The following FRMD4A variants were observed in gnomAD, a reference collection of about 807,000 sequenced individuals.
FRMD4A encodes FERM domain containing 4A, also known as FERM domain-containing protein 4A.
In FRMD4A, 29 loss-of-function variants were observed where a neutral mutation model predicts 129.1. The ratio of observed to expected loss-of-function variants is 0.22; its 90% CI spans 0.17 to 0.31. The LOEUF (loss-of-function observed/expected upper bound fraction) is 0.31, where lower values mean the gene tolerates loss of function less well. FRMD4A is among the 10% of genes least tolerant of loss of function. The pLI is 1.00. For synonymous variants in FRMD4A, 634 were observed against 571.6 expected, an observed-to-expected ratio of 1.11 and a Z score of -1.56; for missense variants, 1,272 against 1,375.8, an observed-to-expected ratio of 0.92 and a Z score of 1.19.
At chr10:14,084,258 T>C (rs1369565732) in intron 2 of FRMD4A, among the ~76,000 whole-genome samples, 1 of 152,178 alleles carries the variant, frequency 6.6e-6, no homozygotes, top group African/African-American at 2.4e-5. Context: ...GTGATTCTCT[T>C]CCCTCAGCCT....
chr10:13,944,581 G>C (rs78740040), intron 2 of FRMD4A, among the ~76,000 whole-genome samples: 1 of 151,970 alleles, frequency 6.6e-6, no homozygotes. Flanking sequence ...TCAGGTCCCC[G>C]GTGCCAAAAA....
At chr10:13,738,294 C>T (rs974803675) in intron 11 of FRMD4A, among the ~76,000 whole-genome samples, 7 of 152,188 alleles carry the variant, frequency 4.6e-5, no homozygotes, top group Non-Finnish European at 8.8e-5. Flanking sequence ...CTCACCACAA[C>T]TGAAAATCTG....
chr10:13,891,119 T>C (rs1215706110), intron 2 of FRMD4A, among the ~76,000 whole-genome samples: 1 of 151,906 alleles, frequency 6.6e-6, no homozygotes, highest in Non-Finnish European at 1.5e-5. Context: ...TCTGTTCTCC[T>C]CCCCTTCCGA....
rs2094587732 is a variant in FRMD4A, at chr10:13,884,194, A to ATG, written c.46-25283_46-25282insCA. On this transcript the variant is annotated intron_variant, in intron 2 of 24. Transcript: ENST00000357447. The stretch of plus-strand genomic sequence containing the variant: ...CACACACTCACACACACACACACAC[A>ATG]CTCACACACACACTCACACACACAC... Among the ~76,000 whole-genome samples the ATG allele has an allele frequency of 2.4e-4, 19 of 79,864 alleles. No individual in the cohort carries two copies. The East Asian group carries it at 6.6e-3, about 28-fold the overall frequency. 52.4% of individuals were successfully genotyped at this position (79,864 alleles called of 152,430 possible). A position where few individuals can be genotyped will look rare whatever the true frequency, so the allele number is the denominator to read the frequency against.
At chr10:14,197,754 CT>C (rs1842514778) in intron 2 of FRMD4A, among the ~76,000 whole-genome samples, 1 of 152,232 alleles carries the variant, frequency 6.6e-6, no homozygotes, top group Admixed American at 6.5e-5. Context: ...TACATGTAAA[CT>C]TTGGCACTCA....
intron 12 of FRMD4A, among the ~76,000 whole-genome samples, chr10:13,728,632 G>A (rs187119305): frequency 3.6e-4 from 51 of 140,574 alleles, no homozygotes; most frequent in East Asian, 8.4e-4. Context: ...GTGCAGTGGC[G>A]TGATCTCGGC....
chr10:14,219,596 T>C (rs1050607759), intron 2 of FRMD4A, among the ~76,000 whole-genome samples: 2 of 152,198 alleles, frequency 1.3e-5, no homozygotes, highest in Admixed American at 1.3e-4. Flanking sequence ...TTGCTTTTTC[T>C]ACTGAGTCAC....
chr10:14,210,291 A>G lies in FRMD4A; in HGVS notation c.45+119767T>C, dbSNP rs570682406. On this transcript the variant is annotated intron_variant, in intron 2 of 24. Coordinates refer to ENST00000357447, the MANE Select transcript of FRMD4A (RefSeq NM_018027.5). ...TGTGAGGATGGAGTGACAAGGTACC[A>G]TCTATGAACCAGAAAGTGAGACCCA... Among the ~76,000 whole-genome samples, 14 of 152,292 alleles carry G rather than the reference A, an allele frequency of 9.2e-5. 1 individual carries two copies. The South Asian group carries it at 2.7e-3, about 29-fold the overall frequency.
In FRMD4A at chr10:14,063,561, T is replaced by TAA. The variant is rs11394360; in HGVS notation, c.46-204651_46-204650dup. 8.5e-3 allele frequency among the ~76,000 whole-genome samples: 1,259 copies of TAA among 147,544 alleles called. 23 individuals carry two copies. The highest frequency in any genetic ancestry group is 0.026 in the African/African-American group (1,057 of 40,512). The stretch of plus-strand genomic sequence containing the variant: ...CTTACATTATTTTACCTTTTCTCAT[T>TAA]AAAAAAAAAAAGTCATATACTTGAA... On this transcript the variant is annotated intron_variant, in intron 2 of 24. Coordinates refer to ENST00000357447, the MANE Select transcript of FRMD4A (RefSeq NM_018027.5).
intron 2 of FRMD4A, among the ~76,000 whole-genome samples, chr10:14,031,109 G>A (rs1487401035): frequency 2.0e-5 from 3 of 152,164 alleles, no homozygotes; most frequent in Non-Finnish European, 1.5e-5. Context: ...AGGCTTGCAG[G>A]GATTCCGAGG....
At chr10:13,779,961 C>T (rs2092694758) in intron 6 of FRMD4A, among the ~76,000 whole-genome samples, 1 of 152,148 alleles carries the variant, frequency 6.6e-6, no homozygotes, top group East Asian at 1.9e-4. Context: ...AGATTGCATT[C>T]ATGAGACATT....
intron 2 of FRMD4A, among the ~76,000 whole-genome samples, chr10:14,010,043 G>T (rs2095675789): frequency 1.3e-5 from 2 of 152,094 alleles, no homozygotes; most frequent in African/African-American, 4.8e-5. Context: ...TTTGAACAAA[G>T]GATAGGCACA....
intron 1 of FRMD4A, 124 bp from the exon 2 acceptor site, chr10:14,330,307 G>GA (rs35432616): frequency 0.39 from 163,694 of 420,082 alleles, 14,945 homozygotes; most frequent in Non-Finnish European, 0.41. Flanking sequence ...GCTTAGGGAG[G>GA]AAAAAAAAAA....
At chr10:13,700,522 C>T (rs910350001) in intron 14 of FRMD4A, among the ~76,000 whole-genome samples, 4 of 152,170 alleles carry the variant, frequency 2.6e-5, no homozygotes, top group African/African-American at 9.7e-5. Flanking sequence ...TCCCCCAGCC[C>T]AAGCCAGCAG....
intron 6 of FRMD4A, among the ~76,000 whole-genome samples, chr10:13,778,811 G>A (rs2092666844): frequency 6.6e-6 from 1 of 152,074 alleles, no homozygotes; most frequent in African/African-American, 2.4e-5. Context: ...TTAGGCATGT[G>A]ATCTCATCTT....
At chr10:13,805,617 T>C (rs1457298235) in intron 4 of FRMD4A, among the ~76,000 whole-genome samples, 1 of 152,222 alleles carries the variant, frequency 6.6e-6, no homozygotes, top group East Asian at 1.9e-4. Flanking sequence ...TGGTTAGTTA[T>C]AGGCTATAGC....
At chr10:13,830,376 C>T (rs567334197) in intron 3 of FRMD4A, among the ~76,000 whole-genome samples, 23 of 152,314 alleles carry the variant, frequency 1.5e-4, no homozygotes, top group Non-Finnish European at 2.8e-4. Flanking sequence ...AAGGCGACAG[C>T]GTTAGAACAA....
Position 13,796,517 on chromosome 10 carries a change from A to T in FRMD4A, c.278T>A (p.Val93Glu). ...ATACCTGACACAAAAGTATAAAACC[A>T]CGGGTCCTGACTTTTTAGGGAAGTC... ...EHDFPKKSGP[V>E]VLYFCVRFYI... Residue 93 changes from valine to glutamate, a missense_variant, in exon 5 of 25, where the codon GTG (valine) becomes GAG (glutamate). Transcript: ENST00000357447. The T allele has an allele frequency of 6.3e-7, 1 of 1,580,390 alleles. No homozygotes were observed. Among genetic ancestry groups the T allele is most frequent in the Non-Finnish European group, 8.7e-7 (1 of 1,149,226 alleles).
At chr10:14,021,712 G>C (rs1414318520) in intron 2 of FRMD4A, among the ~76,000 whole-genome samples, 1 of 152,184 alleles carries the variant, frequency 6.6e-6, no homozygotes, top group Non-Finnish European at 1.5e-5. Flanking sequence ...TAATCTGGGT[G>C]GTGGTTACAC....
Sources: gnomAD v4.1 joint callset for allele counts (sites outside exome capture counted in the v4.1 genomes callset) on GRCh38, gnomAD v4.1.1 for gene constraint, MANE v1.5 for transcripts, NCBI Gene and HGNC (gene_info 2026-07-23, HGNC 2026-07-21) for gene names.